UGGT1: variants seen among roughly 807,000 people sequenced by gnomAD.
The protein encoded by UGGT1 is UDP-glucose glycoprotein glucosyltransferase 1, also known as UDP-glucose:glycoprotein glucosyltransferase 1.
UGGT1 carries 107 observed loss-of-function variants against 203.9 expected under a neutral mutation model. That is an observed-to-expected ratio of 0.52 (90% CI 0.45 to 0.62). The LOEUF is 0.62. Among genes scored for constraint, UGGT1 ranks in the 20% least tolerant of loss-of-function variants. UGGT1 has a pLI of 0.00. For missense variants in UGGT1, 1,673 were observed against 1,867.2 expected (o/e 0.90, Z 1.92); for synonymous variants, 628 against 653.5 (o/e 0.96, Z 0.59).
rs543555757 is a variant in UGGT1, at chr2:128,159,386, A to G, written c.2356-128A>G. 5 of 867,458 alleles carry G rather than the reference A, an allele frequency of 5.8e-6. No homozygotes were observed. The East Asian group carries it at 1.1e-4, about 19-fold the overall frequency. 53.7% of individuals were successfully genotyped at this position (867,458 alleles called of 1,614,324 possible). A position where few individuals can be genotyped will look rare whatever the true frequency, so the allele number is the denominator to read the frequency against. The stretch of plus-strand genomic sequence containing the variant: ...AGTGCTGGGATTACAGGCATGAGCC[A>G]CTGCGCCCGGCCTGAGACTTTTAAG... On this transcript the variant is annotated intron_variant, in intron 22 of 40. Transcript: ENST00000259253.
intron 37 of UGGT1, 67 bp downstream of exon 37, chr2:128,182,357 A>G (rs1691735766): frequency 1.3e-6 from 2 of 1,524,270 alleles, no homozygotes; most frequent in African/African-American, 2.8e-5. Context: ...GTGTGGTTAA[A>G]ATTGTGAATA....
At chr2:128,148,805 T>C (rs140872357) in intron 18 of UGGT1, among the ~76,000 whole-genome samples, 94 of 152,308 alleles carry the variant, frequency 6.2e-4, no homozygotes, top group Non-Finnish European at 1.1e-3. Context: ...CCATGTGTTA[T>C]CTGCCACCTC....
At chr2:128,102,230 CCTCCTGGGTT>C (rs1424271237) in intron 2 of UGGT1, among the ~76,000 whole-genome samples, 11 of 151,954 alleles carry the variant, frequency 7.2e-5, no homozygotes, top group Non-Finnish European at 1.0e-4. Context: ...GCAACCTCCA[CCTCCTGGGTT>C]CAAGCGATTC....
At chr2:128,097,367 T>A (rs887134936) in intron 1 of UGGT1, 62 bp from the exon 2 acceptor site, 3 of 1,559,610 alleles carry the variant, frequency 1.9e-6, no homozygotes, top group Non-Finnish European at 1.7e-6. Context: ...AGGGCGAGAC[T>A]GCGTCTCAAA....
At chr2:128,145,140 C>T (rs1351237178) in intron 17 of UGGT1, among the ~76,000 whole-genome samples, 1 of 152,136 alleles carries the variant, frequency 6.6e-6, no homozygotes, top group African/African-American at 2.4e-5. Flanking sequence ...GTTTTGTTTT[C>T]TGCAGGTGTA....
At chr2:128,115,283 T>G in intron 7 of UGGT1, 63 bp downstream of exon 7, 1 of 1,432,842 alleles carries the variant, frequency 7.0e-7, no homozygotes, top group Non-Finnish European at 9.7e-7. Context: ...GGAGTTTGTT[T>G]CCATATGAAA....
chr2:128,193,913 GAA>G lies in UGGT1; in HGVS notation c.*4175_*4176del, dbSNP rs940762212. ...AGAACTCAGAGTTACAAGGGAAAAAGAAAAAGAGTTACAAGGGAATTGTAGTC... is the reference window on the plus strand; with the variant it reads ...AGAACTCAGAGTTACAAGGGAAAAAGAAAGAGTTACAAGGGAATTGTAGTC... On this transcript the variant is annotated 3_prime_UTR_variant, in exon 41 of 41. Transcript: ENST00000259253. 5.3e-5 allele frequency: 8 copies of G among 152,128 alleles called. No individual in the cohort carries two copies. Among genetic ancestry groups the G allele is most frequent in the Admixed American group, 3.3e-4 (5 of 15,272 alleles). 9.4% of individuals were successfully genotyped at this position (152,128 alleles called of 1,614,324 possible). A position where few individuals can be genotyped will look rare whatever the true frequency, so the allele number is the denominator to read the frequency against.
In UGGT1 at chr2:128,120,382, A is replaced by T. The variant is rs1022847087; in HGVS notation, c.899A>T (p.Gln300Leu). Reference sequence around the variant, plus strand: ...GATCTGCACCCCGACCTGGAGGGACAGTTGAAAGAACTCAGAAAGCATCTT... The same window carrying T: ...GATCTGCACCCCGACCTGGAGGGACTGTTGAAAGAACTCAGAAAGCATCTT... ...LRDLHPDLEGQLKELRKHLVE... is the reference protein window; with the variant it reads ...LRDLHPDLEGLLKELRKHLVE... The change falls in exon 9 of 41, where the codon CAG (glutamine) becomes CTG (leucine). Residue 300 changes from glutamine to leucine, a missense_variant. Gln to Leu is a moderately radical substitution (Grantham distance 113). Around this residue, in one of 4 missense-constraint regions of UGGT1, gnomAD observed 1,073 missense variants for 1,078.7 expected, o/e 0.99. Transcript: ENST00000259253. 2 of 1,614,018 alleles carry T rather than the reference A, an allele frequency of 1.2e-6. No individual in the cohort carries two copies. Among genetic ancestry groups the T allele is most frequent in the East Asian group, 2.2e-5 (1 of 44,868 alleles).
intron 1 of UGGT1, chr2:128,091,619 G>C: frequency 1.4e-6 from 2 of 1,433,270 alleles, no homozygotes; most frequent in Non-Finnish European, 1.8e-6. Flanking sequence ...CGGGGGTGGC[G>C]GCGGGCTCTG....
intron 38 of UGGT1, 25 bp downstream of exon 38, chr2:128,183,814 A>G (rs1691832216): frequency 1.3e-6 from 2 of 1,546,244 alleles, no homozygotes; most frequent in African/African-American, 2.7e-5. Context: ...TTTATGGTTA[A>G]CTGTGAGTGA....
chr2:128,183,531 C>T, intron 37 of UGGT1, 144 bp from the exon 38 acceptor site: 1 of 598,236 alleles, frequency 1.7e-6, no homozygotes, highest in Non-Finnish European at 3.0e-6. Context: ...AAGTAGCACA[C>T]TTTAACTCCA....
chr2:128,105,280 TTTCACTCTG>T (rs1558752729), intron 3 of UGGT1, among the ~76,000 whole-genome samples: 1 of 151,136 alleles, frequency 6.6e-6, no homozygotes, highest in African/African-American at 2.4e-5. Flanking sequence ...ATTTCACTTT[TTTCACTCTG>T]TGATCTAGCC....
chr2:128,128,071 C>T (rs1688684827), intron 12 of UGGT1, among the ~76,000 whole-genome samples: 1 of 151,532 alleles, frequency 6.6e-6, no homozygotes, highest in Admixed American at 6.6e-5. Flanking sequence ...GAGAATCCAT[C>T]TCAAAAAACA....
intron 23 of UGGT1, among the ~76,000 whole-genome samples, 159 bp downstream of exon 23, chr2:128,159,879 T>C (rs1690441904): frequency 6.6e-6 from 1 of 152,190 alleles, no homozygotes; most frequent in African/African-American, 2.4e-5. Flanking sequence ...TTTATTACTT[T>C]TAACCTTGCC....
chr2:128,103,676 TTTA>T lies in UGGT1; in HGVS notation c.195-250_195-248del, dbSNP rs560692488. On this transcript the variant is annotated intron_variant, in intron 2 of 40. Transcript: ENST00000259253. ...TATATTGAGACTTCCCTTTTATGTTTTTATTATTCCAGGTTTCTTAAGAAATAG... is the reference window on the plus strand; with the variant it reads ...TATATTGAGACTTCCCTTTTATGTTTTTATTCCAGGTTTCTTAAGAAATAG... Among the ~76,000 whole-genome samples, 179 of 152,098 alleles carry T rather than the reference TTTA, an allele frequency of 1.2e-3. 1 individual carries two copies. Among genetic ancestry groups the T allele is most frequent in the Admixed American group, 2.2e-3 (34 of 15,284 alleles).
At chr2:128,134,256 A>C (rs568877352) in intron 14 of UGGT1, among the ~76,000 whole-genome samples, 1 of 152,228 alleles carries the variant, frequency 6.6e-6, no homozygotes, top group African/African-American at 2.4e-5. Flanking sequence ...GGCTGGTTTC[A>C]AACTCCTGAA....
chr2:128,123,396 T>A (rs1688470744), intron 11 of UGGT1, 150 bp downstream of exon 11: 1 of 751,996 alleles, frequency 1.3e-6, no homozygotes, highest in Non-Finnish European at 2.1e-6. Flanking sequence ...ATTTTTAGTT[T>A]TTAATGAAAG....
At position 128,182,270 on chromosome 2, in the gene UGGT1, C is replaced by A; in HGVS notation, c.4224C>A (p.Ala1408=). ...WKSGYWASHL[A]GRKYHISALY... ...CAGGGTACTGGGCCAGTCATTTAGC[C>A]GGGCGAAAGTATCATATCAGGTACT... The change falls in exon 37 of 41, where the codon GCC becomes GCA. Residue 1408 remains alanine, a synonymous_variant. Transcript: ENST00000259253. 6.2e-7 allele frequency: 1 copy of A among 1,613,308 alleles called. No homozygotes were observed. The highest frequency in any genetic ancestry group is 8.5e-7 in the Non-Finnish European group (1 of 1,179,726).
intron 31 of UGGT1, among the ~76,000 whole-genome samples, 196 bp downstream of exon 31, chr2:128,175,054 G>A (rs1226280184): frequency 6.6e-6 from 1 of 152,232 alleles, no homozygotes; most frequent in African/African-American, 2.4e-5. Context: ...AGGTATAGAT[G>A]CTAATGAGTA....
Sources: gnomAD v4.1 joint callset for allele counts (sites outside exome capture counted in the v4.1 genomes callset) on GRCh38, gnomAD v4.1.1 for gene constraint, gnomAD v4.1.1 regional missense constraint, MANE v1.5 for transcripts, NCBI Gene and HGNC (gene_info 2026-07-23, HGNC 2026-07-21) for gene names.